Variants in ADGRL3 observed in about 807,000 individuals in gnomAD.
ADGRL3 encodes adhesion G protein-coupled receptor L3, also known as calcium-independent alpha-latrotoxin receptor 3.
Under a neutral mutation model 153.5 loss-of-function variants are expected in ADGRL3, and 62 were observed. That is an observed-to-expected ratio of 0.40 (90% CI 0.33 to 0.50). ADGRL3 has a LOEUF of 0.50. Among genes scored for constraint, ADGRL3 ranks in the 20% least tolerant of loss-of-function variants. The pLI is 0.47. For missense variants in ADGRL3, 1,641 were observed against 1,859.4 expected (o/e 0.88, Z 2.16); for synonymous variants, 710 against 672.5 (o/e 1.06, Z -0.86).
intron 2 of ADGRL3, among the ~76,000 whole-genome samples, chr4:61,408,455 C>T (rs1218020164): frequency 2.7e-5 from 4 of 150,486 alleles, no homozygotes; most frequent in Non-Finnish European, 4.4e-5. Flanking sequence ...TAAAGACTTG[C>T]TTTGTTGCCG....
chr4:61,364,489 A>AT (rs890329097), intron 1 of ADGRL3, among the ~76,000 whole-genome samples: 17 of 150,926 alleles, frequency 1.1e-4, no homozygotes, highest in East Asian at 3.9e-4. Flanking sequence ...CACTGCTTTC[A>AT]TTTTTTTTTA....
intron 1 of ADGRL3, among the ~76,000 whole-genome samples, chr4:61,268,925 T>C (rs1192304740): frequency 1.3e-5 from 2 of 151,670 alleles, no homozygotes; most frequent in African/African-American, 4.8e-5. Context: ...CATTCATCAT[T>C]TGCCCTTTAT....
chr4:61,769,868 G>A (rs964879175), intron 8 of ADGRL3, among the ~76,000 whole-genome samples: 3 of 151,836 alleles, frequency 2.0e-5, no homozygotes, highest in Non-Finnish European at 2.9e-5. Context: ...GGCAAGGACT[G>A]GCCATTTACA....
At chr4:61,473,884 T>C (rs778610996) in intron 2 of ADGRL3, among the ~76,000 whole-genome samples, 5 of 152,070 alleles carry the variant, frequency 3.3e-5, no homozygotes, top group Non-Finnish European at 5.9e-5. Context: ...AGAAGATGAA[T>C]AAAACATGAA....
intron 1 of ADGRL3, among the ~76,000 whole-genome samples, chr4:61,281,374 T>G (rs1266129575): frequency 6.6e-6 from 1 of 152,154 alleles, no homozygotes; most frequent in African/African-American, 2.4e-5. Context: ...GACCTAACCT[T>G]TGGGTACCCC....
At chr4:61,536,397 C>T (rs977147483) in intron 4 of ADGRL3, among the ~76,000 whole-genome samples, 2 of 152,018 alleles carry the variant, frequency 1.3e-5, no homozygotes, top group Non-Finnish European at 2.9e-5. Context: ...CTACTAGGCT[C>T]ATTTGCTCAA....
chr4:61,543,888 C>T lies in ADGRL3; in HGVS notation c.259+26370C>T, dbSNP rs6822311. ...ATTCCATTATTTGAATATTTCACTG[C>T]TGTATCATCTTTCATCTTAGGCATA... On this transcript the variant is annotated intron_variant, in intron 4 of 26. Transcript: ENST00000683033. 1.2e-3 allele frequency among the ~76,000 whole-genome samples: 182 copies of T among 152,304 alleles called. 1 individual carries two copies. Among genetic ancestry groups the T allele is most frequent in the African/African-American group, 4.3e-3 (177 of 41,552 alleles).
chr4:61,704,283 T>G (rs982024389), intron 6 of ADGRL3, among the ~76,000 whole-genome samples: 8 of 152,176 alleles, frequency 5.3e-5, no homozygotes, highest in African/African-American at 1.9e-4. Flanking sequence ...GAGATATTGC[T>G]GGTTTAGTTC....
chr4:61,489,718 A>C (rs2098236594), intron 2 of ADGRL3, among the ~76,000 whole-genome samples: 1 of 152,038 alleles, frequency 6.6e-6, no homozygotes, highest in African/African-American at 2.4e-5. Flanking sequence ...ATACTGATTC[A>C]TTTAACACCT....
chr4:62,021,452 T>A (rs2099237846), intron 21 of ADGRL3, among the ~76,000 whole-genome samples: 1 of 152,152 alleles, frequency 6.6e-6, no homozygotes, highest in Non-Finnish European at 1.5e-5. Context: ...TTAATATTAA[T>A]AAATAATCAT....
intron 1 of ADGRL3, among the ~76,000 whole-genome samples, chr4:61,377,805 C>T (rs757360259): frequency 6.6e-6 from 1 of 151,488 alleles, no homozygotes; most frequent in African/African-American, 2.4e-5. Context: ...TGAGATCTTC[C>T]TACTTTTCTA....
intron 2 of ADGRL3, among the ~76,000 whole-genome samples, chr4:61,433,191 T>C (rs1341036575): frequency 6.6e-6 from 1 of 152,188 alleles, no homozygotes; most frequent in Non-Finnish European, 1.5e-5. Flanking sequence ...CAGACCATAA[T>C]AGATTGCTTG....
chr4:61,233,392 T>C (rs1298113197), intron 1 of ADGRL3, among the ~76,000 whole-genome samples: 1 of 152,164 alleles, frequency 6.6e-6, no homozygotes, highest in Non-Finnish European at 1.5e-5. Flanking sequence ...ACTACTCTTT[T>C]TTCTCTTCTT....
chr4:61,614,360 A>G (rs944392830), intron 5 of ADGRL3, among the ~76,000 whole-genome samples: 7 of 152,172 alleles, frequency 4.6e-5, no homozygotes, highest in African/African-American at 1.4e-4. Flanking sequence ...GATCTTCTTA[A>G]GCAATTGCTG....
At chr4:61,548,781 A>G (rs924292119) in intron 4 of ADGRL3, among the ~76,000 whole-genome samples, 24 of 151,862 alleles carry the variant, frequency 1.6e-4, no homozygotes, top group African/African-American at 5.3e-4. Context: ...TTTCATATGA[A>G]TTTAGGATTG....
chr4:61,751,099 A>T (rs1360760966), intron 8 of ADGRL3, among the ~76,000 whole-genome samples: 1 of 152,142 alleles, frequency 6.6e-6, no homozygotes, highest in Non-Finnish European at 1.5e-5. Context: ...TATGCAAGGG[A>T]TCTAGATTAT....
chr4:61,719,901 C>G (rs940250559), intron 6 of ADGRL3, among the ~76,000 whole-genome samples: 18 of 152,158 alleles, frequency 1.2e-4, no homozygotes, highest in African/African-American at 4.1e-4. Flanking sequence ...CCGCTCCCGC[C>G]CCCTGTCAGA....
intron 1 of ADGRL3, among the ~76,000 whole-genome samples, chr4:61,350,866 A>C (rs778851126): frequency 1.3e-4 from 20 of 152,140 alleles, no homozygotes; most frequent in Non-Finnish European, 2.8e-4. Flanking sequence ...CTGAAACACA[A>C]CAATTTTTAA....
At chr4:61,921,061 C>G (rs1007761923) in intron 13 of ADGRL3, among the ~76,000 whole-genome samples, 3 of 151,846 alleles carry the variant, frequency 2.0e-5, no homozygotes, top group African/African-American at 7.3e-5. Flanking sequence ...ACAAGGGTAA[C>G]TTTTGAACCC....
Sources: allele counts gnomAD v4.1 joint callset (sites outside exome capture counted in the v4.1 genomes callset), GRCh38; gene constraint gnomAD v4.1.1; transcripts MANE v1.5; gene names NCBI Gene and HGNC (gene_info 2026-07-23, HGNC 2026-07-21).